NAV1: variants seen among roughly 807,000 people sequenced by gnomAD.
The protein encoded by NAV1 is neuron navigator 1, also known as pore membrane and/or filament interacting like protein 3.
NAV1 carries 18 observed loss-of-function variants against 175.2 expected under a neutral mutation model. The observed-to-expected ratio is 0.10, with a 90% CI of 0.07 to 0.15. NAV1 has a LOEUF of 0.15. NAV1 is among the 10% of genes least tolerant of loss of function. The probability of loss-of-function intolerance (pLI) is 1.00; values close to 1 mark genes in which losing one functional copy is unlikely to be tolerated. For synonymous variants in NAV1, 897 were observed against 978.7 expected (o/e 0.92, Z 1.56); for missense variants, 1,731 against 2,436.6 (o/e 0.71, Z 6.10).
At chr1:201,637,231 C>T (rs1668638129) in intron 2 of NAV1, among the ~76,000 whole-genome samples, 1 of 152,156 alleles carries the variant, frequency 6.6e-6, no homozygotes, top group South Asian at 2.1e-4. Context: ...TTCTTTAAAC[C>T]ATCTGTCCCA....
chr1:201,606,059 T>C (rs780369996), intron 2 of NAV1, among the ~76,000 whole-genome samples: 14 of 152,194 alleles, frequency 9.2e-5, no homozygotes, highest in Non-Finnish European at 1.6e-4. Flanking sequence ...GGCTCTTTCA[T>C]TCACAGCCTC....
At position 201,808,656 on chromosome 1, in the gene NAV1, T is replaced by A. The variant is rs1021562977; in HGVS notation, c.4038+46T>A. On this transcript the variant is annotated intron_variant, in intron 19 of 29. Coordinates refer to ENST00000367296, the Ensembl canonical transcript of NAV1. The surrounding 1 kb of genome is among the most constrained non-coding windows in gnomAD (Gnocchi z 5.5). ...CTGCAGGAAAGGGAAGACCAAGGCTTGCTGTCTGTCCAGTCTGCCACCCTA... is the reference window on the plus strand; with the variant it reads ...CTGCAGGAAAGGGAAGACCAAGGCTAGCTGTCTGTCCAGTCTGCCACCCTA... The A allele has an allele frequency of 3.1e-6, 5 of 1,614,104 alleles. No homozygotes were observed. Among genetic ancestry groups the A allele is most frequent in the African/African-American group, 1.3e-5 (1 of 74,936 alleles).
intron 3 of NAV1, among the ~76,000 whole-genome samples, chr1:201,753,011 A>G (rs1273593424): frequency 1.3e-5 from 2 of 152,114 alleles, no homozygotes; most frequent in Admixed American, 6.5e-5. Context: ...TTTGGGGGGA[A>G]CGAGGGGCTC....
chr1:201,810,447 A>C lies in NAV1; in HGVS notation c.4562-76A>C. The C allele has an allele frequency of 7.2e-7, 1 of 1,386,020 alleles. No homozygotes were observed. 85.9% of individuals were successfully genotyped at this position (1,386,020 alleles called of 1,614,324 possible). ...TCTTCAGGGGGCTCCTAGATAAAGA[A>C]AGAAAAGCCCTTTAGGATCCCTTGC... On this transcript the variant is annotated intron_variant, in intron 23 of 29. Transcript: ENST00000367296. This position sits in a 1 kb window ranked among gnomAD's most constrained non-coding sequence, Gnocchi z 6.0.
At chr1:201,763,124 T>C (rs1674967979) in intron 3 of NAV1, among the ~76,000 whole-genome samples, 2 of 152,200 alleles carry the variant, frequency 1.3e-5, no homozygotes, top group Non-Finnish European at 2.9e-5. Flanking sequence ...ACTTTTTAGT[T>C]TTCCTCAAGA....
chr1:201,767,043 T>G (rs1296479266), intron 3 of NAV1, among the ~76,000 whole-genome samples: 1 of 151,564 alleles, frequency 6.6e-6, no homozygotes, highest in African/African-American at 2.4e-5. Context: ...GATGGTCTCA[T>G]CTCCTGACCT....
At position 201,818,507 on chromosome 1, in the gene NAV1, C is replaced by A. The variant is rs533368116; in HGVS notation, c.5538+1222C>A. ...CACGCCACTGCACACTCCAGCCTGG[C>A]GACAGAGCGAGACTCCCTCTCAAAA... On this transcript the variant is annotated intron_variant, in intron 29 of 29. Transcript: ENST00000367296. 6.2e-5 allele frequency among the ~76,000 whole-genome samples: 9 copies of A among 146,230 alleles called. No homozygotes were observed. The South Asian group carries it at 1.9e-3, about 32-fold the overall frequency.
intron 2 of NAV1, among the ~76,000 whole-genome samples, chr1:201,637,766 T>G (rs1478395811): frequency 1.3e-5 from 2 of 152,186 alleles, no homozygotes; most frequent in Non-Finnish European, 2.9e-5. Context: ...CTCCTTCCTT[T>G]GCCTGCCTGG....
At chr1:201,644,773 C>T (rs1571859992), upstream of NAV1, among the ~76,000 whole-genome samples, 1 of 152,094 alleles carries the variant, frequency 6.6e-6, no homozygotes, top group African/African-American at 2.4e-5. Context: ...ATTTCAGGAG[C>T]CATTTATTGA....
chr1:201,679,206 G>A (rs56665842), intron 1 of NAV1, among the ~76,000 whole-genome samples: 1,920 of 152,236 alleles, frequency 0.013, 41 homozygotes, highest in African/African-American at 0.044. Context: ...TCACAAAACC[G>A]GCAGTGGTCT....
At chr1:201,688,386 C>G (rs947897138) in intron 1 of NAV1, 6 of 152,140 alleles carry the variant, frequency 3.9e-5, no homozygotes, top group African/African-American at 1.4e-4. Flanking sequence ...GGAGAACTTC[C>G]TGGGGAAAAT....
In NAV1 at chr1:201,623,608, TGAGCTGGG is replaced by T. The variant is rs1401364664; in HGVS notation, c.-101+7_-101+14del. The T allele has an allele frequency of 1.9e-5, 19 of 985,730 alleles. No individual in the cohort carries two copies. Among genetic ancestry groups the T allele is most frequent in the Non-Finnish European group, 2.3e-5 (19 of 830,212 alleles). The allele number at this position is 985,730 out of a possible 1,614,324, so 61.1% of individuals were successfully genotyped here. A position where few individuals can be genotyped will look rare whatever the true frequency, so the allele number is the denominator to read the frequency against. On this transcript the variant is annotated splice_donor_5th_base_variant and intron_variant, in intron 1 of 29. Coordinates refer to the NAV1 transcript ENST00000367302. ...CACGGTGGCCCCCTTCCAGTACAGG[TGAGCTGGG>T]GAGCAGGCAGGGAGGGAAGGGGGAA... is the stretch of plus-strand genomic sequence containing the variant.
At chr1:201,616,532 G>T (rs1315486745) in intron 2 of NAV1, among the ~76,000 whole-genome samples, 1 of 151,864 alleles carries the variant, frequency 6.6e-6, no homozygotes, top group Admixed American at 6.6e-5. Context: ...TTGTTGCCCA[G>T]GCTGGAGTGC....
At chr1:201,638,897 C>T (rs568683581) in intron 2 of NAV1, among the ~76,000 whole-genome samples, 1 of 152,300 alleles carries the variant, frequency 6.6e-6, no homozygotes, top group South Asian at 2.1e-4. Flanking sequence ...ACTAACTAAC[C>T]TATGTAGGGC....
chr1:201,649,513 C>T, intron 1 of NAV1, 88 bp downstream of exon 5: 3 of 1,434,148 alleles, frequency 2.1e-6, no homozygotes, highest in Non-Finnish European at 2.7e-6. Context: ...AGCCCCCTCC[C>T]CTTGCGCCTT....
chr1:201,681,512 A>G (rs1252090953), intron 1 of NAV1, among the ~76,000 whole-genome samples: 1 of 152,194 alleles, frequency 6.6e-6, no homozygotes, highest in Non-Finnish European at 1.5e-5. Flanking sequence ...CCAGCAGTCC[A>G]CGAGGCCATG....
intron 1 of NAV1, among the ~76,000 whole-genome samples, chr1:201,709,558 G>A (rs1671809451): frequency 1.3e-5 from 2 of 152,212 alleles, no homozygotes; most frequent in South Asian, 4.1e-4. Flanking sequence ...CTGTCACCTA[G>A]CAATGTGGAG....
Position 201,788,581 on chromosome 1 carries a change from G to A in NAV1, c.3109G>A (p.Ala1037Thr). 1.2e-6 allele frequency: 2 copies of A among 1,614,094 alleles called. No individual in the cohort carries two copies. The highest frequency in any genetic ancestry group is 1.7e-6 in the Non-Finnish European group (2 of 1,180,028). Residue 1037 changes from alanine to threonine, a missense_variant, in exon 10 of 30, where the codon GCC becomes ACC. By Grantham distance (58) the Ala-to-Thr change is moderately conservative. Around this residue, in one of 13 missense-constraint regions of NAV1, gnomAD observed 634 missense variants for 766.8 expected, o/e 0.83. Coordinates refer to ENST00000367296, the Ensembl canonical transcript of NAV1. This position sits in a 1 kb window ranked among gnomAD's most constrained non-coding sequence, Gnocchi z 5.7. ...CCAAATGGGGAGCACCCTGTCCCTG[G>A]CCGAGAGACCCAAGGGAATGATTCG...
intron 13 of NAV1, 36 bp downstream of exon 17, chr1:201,790,802 TA>T: frequency 6.2e-7 from 1 of 1,607,262 alleles, no homozygotes; most frequent in Non-Finnish European, 8.5e-7. Context: ...TCAAGGCAGT[TA>T]TTTTGACTAT....
Sources: gnomAD v4.1 joint callset for allele counts (sites outside exome capture counted in the v4.1 genomes callset) on GRCh38, gnomAD v4.1.1 for gene constraint, gnomAD v4.1.1 regional missense constraint, Gnocchi (gnomAD v3.1) non-coding constraint, MANE v1.5 for transcripts, NCBI Gene and HGNC (gene_info 2026-07-23, HGNC 2026-07-21) for gene names.